Variants in BPTF observed in about 807,000 individuals in gnomAD.
The protein encoded by BPTF is nucleosome-remodeling factor subunit BPTF.
Under a neutral mutation model 292.5 loss-of-function variants are expected in BPTF, and 18 were observed. The ratio of observed to expected loss-of-function variants is 0.06; its 90% confidence interval spans 0.04 to 0.09. The LOEUF is 0.09. Ranked by LOEUF, BPTF falls within the 10% of genes least tolerant of loss-of-function variation. BPTF has a pLI of 1.00. For synonymous variants in BPTF, 1,225 were observed against 1,251.9 expected (o/e 0.98, Z 0.45); for missense variants, 2,726 against 3,498.7 (o/e 0.78, Z 5.57).
At chr17:67,976,589 G>A (rs1229025036) in intron 27 of BPTF, among the ~76,000 whole-genome samples, 2 of 149,642 alleles carry the variant, frequency 1.3e-5, no homozygotes, top group Non-Finnish European at 2.9e-5. Flanking sequence ...AGGAGGCTGT[G>A]ACAGGACGAT....
intron 7 of BPTF, among the ~76,000 whole-genome samples, chr17:67,899,094 A>G (rs1167068033): frequency 6.6e-6 from 1 of 152,158 alleles, no homozygotes; most frequent in African/African-American, 2.4e-5. Context: ...CTGTGGCCAA[A>G]CTTTTGTAAA....
At chr17:67,835,388 G>C (rs2057043882) in intron 1 of BPTF, among the ~76,000 whole-genome samples, 1 of 152,190 alleles carries the variant, frequency 6.6e-6, no homozygotes, top group Admixed American at 6.5e-5. Context: ...GTCTGCCTCT[G>C]TTAGACCAGG....
At chr17:67,928,992 T>C (rs2064141114) in intron 16 of BPTF, 2 of 1,184,752 alleles carry the variant, frequency 1.7e-6, no homozygotes, top group Non-Finnish European at 2.1e-6. Flanking sequence ...GCTACAACCA[T>C]TGCCAGCACA....
chr17:67,912,901 G>A lies in BPTF; in HGVS notation c.5017G>A (p.Val1673Ile), dbSNP rs111396695. The A allele has an allele frequency of 4.5e-5, 72 of 1,614,168 alleles. No individual in the cohort carries two copies. Among genetic ancestry groups the A allele is most frequent in the African/African-American group, 3.7e-4 (28 of 75,038 alleles). Residue 1673 changes from valine (V) to isoleucine (I), a missense_variant, in exon 11 of 28, where the codon GTT (valine) becomes ATT (isoleucine). Coordinates refer to ENST00000306378, the MANE Select transcript of BPTF (RefSeq NM_182641.4). ...DSLTTTGGTL[V>I]TSMTVSKEYS... is the part of the protein sequence containing the mutation. ...CCTGACCACCACGGGAGGCACACTG[G>A]TTACATCTATGACTGTGAGCAAAGA...
At chr17:67,833,751 TAGA>T (rs925182825) in intron 1 of BPTF, among the ~76,000 whole-genome samples, 5 of 152,058 alleles carry the variant, frequency 3.3e-5, no homozygotes, top group African/African-American at 1.2e-4. Context: ...GTATTTTTAC[TAGA>T]AGAGGGTTTC....
intron 1 of BPTF, among the ~76,000 whole-genome samples, chr17:67,847,831 A>C (rs1280055696): frequency 1.3e-5 from 2 of 152,192 alleles, no homozygotes; most frequent in East Asian, 1.9e-4. Context: ...AGATTGGGAC[A>C]CTATTCCACA....
intron 4 of BPTF, among the ~76,000 whole-genome samples, chr17:67,881,504 T>G (rs2060401250): frequency 6.9e-6 from 1 of 144,208 alleles, no homozygotes; most frequent in African/African-American, 2.6e-5. Context: ...TTTTTTTTTT[T>G]TTTTTTTTTT....
At chr17:67,968,957 G>T (rs2068451407) in intron 26 of BPTF, among the ~76,000 whole-genome samples, 1 of 150,696 alleles carries the variant, frequency 6.6e-6, no homozygotes, top group Non-Finnish European at 1.5e-5. Context: ...CTCCAGCCTG[G>T]GTAACAAAAG....
chr17:67,827,999 T>C (rs1023659201), intron 1 of BPTF, among the ~76,000 whole-genome samples: 1 of 150,536 alleles, frequency 6.6e-6, no homozygotes, highest in Admixed American at 6.7e-5. Context: ...TGTCCTGATC[T>C]CGGCTCACTG....
chr17:67,967,437 C>T (rs61184134), intron 26 of BPTF, among the ~76,000 whole-genome samples: 1,718 of 152,026 alleles, frequency 0.011, 27 homozygotes, highest in African/African-American at 0.039. Context: ...CCACCATACC[C>T]GGCCAATTGT....
intron 24 of BPTF, chr17:67,960,428 CA>C (rs1353193710): frequency 1.3e-5 from 2 of 151,910 alleles, no homozygotes; most frequent in African/African-American, 4.8e-5. Flanking sequence ...CAGAAAAATA[CA>C]AAAAGTGTTC....
chr17:67,901,020 A>T (rs2061798710), intron 7 of BPTF, among the ~76,000 whole-genome samples: 1 of 151,266 alleles, frequency 6.6e-6, no homozygotes, highest in South Asian at 2.1e-4. Context: ...ACCTGTCTTT[A>T]AAAAAAAAGA....
At chr17:67,978,928 A>G (rs1453635523) in intron 27 of BPTF, among the ~76,000 whole-genome samples, 1 of 151,934 alleles carries the variant, frequency 6.6e-6, no homozygotes, top group Non-Finnish European at 1.5e-5. Flanking sequence ...TGTAATCCCA[A>G]CACATTGAGA....
chr17:67,981,321 C>T (rs1555696558), intron 27 of BPTF: 1 of 224,124 alleles, frequency 4.5e-6, no homozygotes, highest in African/African-American at 2.4e-5. Flanking sequence ...TTCAGAATTT[C>T]CTTTGCCATA....
chr17:67,907,322 A>C (rs1471464655), intron 9 of BPTF, among the ~76,000 whole-genome samples: 1 of 150,780 alleles, frequency 6.6e-6, no homozygotes, highest in African/African-American at 2.4e-5. Context: ...GAGAATAATG[A>C]ACTCATTCAG....
intron 18 of BPTF, among the ~76,000 whole-genome samples, chr17:67,932,632 C>T (rs1310149811): frequency 6.6e-6 from 1 of 152,120 alleles, no homozygotes. Flanking sequence ...AACCAGGAGG[C>T]AGAGGTTGCA....
chr17:67,872,979 C>T (rs999232238), intron 3 of BPTF, among the ~76,000 whole-genome samples: 19 of 151,766 alleles, frequency 1.3e-4, no homozygotes, highest in African/African-American at 3.4e-4. Context: ...TCCATCTACT[C>T]GGGAGGCTGA....
In BPTF at chr17:67,971,483, T is replaced by TAAA. The variant is rs782720627; in HGVS notation, c.8540-4276_8540-4274dup. Among the ~76,000 whole-genome samples the TAAA allele has an allele frequency of 5.7e-5, 8 of 140,582 alleles. 1 individual carries two copies. Among genetic ancestry groups the TAAA allele is most frequent in the Admixed American group, 5.0e-4 (7 of 14,080 alleles). The allele number at this position is 140,582 out of a possible 152,430, so 92.2% of individuals were successfully genotyped here. A position where few individuals can be genotyped will look rare whatever the true frequency, so the allele number is the denominator to read the frequency against. On this transcript the variant is annotated intron_variant, in intron 26 of 27. Transcript: ENST00000306378. ...GGGCTACAAAGTGAGACGCTGTCTT[T>TAAA]AAAAAAAAAAAAAAAGAGTTATTTT...
intron 5 of BPTF, among the ~76,000 whole-genome samples, chr17:67,892,709 T>C (rs1567993809): frequency 6.6e-6 from 1 of 152,236 alleles, no homozygotes; most frequent in African/African-American, 2.4e-5. Flanking sequence ...CTCAGTCACA[T>C]ACACATTTTT....
Sources: gnomAD v4.1 joint callset for allele counts (sites outside exome capture counted in the v4.1 genomes callset) on GRCh38, gnomAD v4.1.1 for gene constraint, MANE v1.5 for transcripts, NCBI Gene and HGNC (gene_info 2026-07-23, HGNC 2026-07-21) for gene names.